The following TRPM3 variants were observed in gnomAD, a reference collection of about 807,000 sequenced individuals.
TRPM3 encodes the protein transient receptor potential cation channel subfamily M member 3, also known as long transient receptor potential channel 3.
A neutral mutation model predicts 181.2 loss-of-function variants in TRPM3; 77 were observed. The observed-to-expected ratio is 0.42, with a 90% confidence interval of 0.35 to 0.51. TRPM3 has a LOEUF of 0.51. TRPM3 is among the 20% of genes least tolerant of loss of function. The pLI is 0.01. For synonymous variants in TRPM3, 745 were observed against 796.4 expected (o/e 0.94, Z 1.09); for missense variants, 1,759 against 2,196.7 (o/e 0.80, Z 3.98).
chr9:71,240,102 G>A (rs2081578952), intron 1 of TRPM3, among the ~76,000 whole-genome samples: 3 of 152,104 alleles, frequency 2.0e-5, no homozygotes. Flanking sequence ...ATAGCTGAGA[G>A]GGATAATTTA....
At chr9:71,373,311 TAAAA>T (rs35902768) in intron 1 of TRPM3, among the ~76,000 whole-genome samples, 1 of 145,190 alleles carries the variant, frequency 6.9e-6, no homozygotes, top group Non-Finnish European at 1.5e-5. Flanking sequence ...GAAAAACCCT[TAAAA>T]AAAAAAAATC....
intron 1 of TRPM3, among the ~76,000 whole-genome samples, chr9:71,022,810 A>C (rs926401124): frequency 6.6e-6 from 1 of 152,196 alleles, no homozygotes; most frequent in Non-Finnish European, 1.5e-5. Context: ...CGTTCTGCAC[A>C]TGTATCCCAG....
chr9:70,701,420 A>G (rs2072520635), intron 8 of TRPM3, among the ~76,000 whole-genome samples: 1 of 152,094 alleles, frequency 6.6e-6, no homozygotes, highest in Admixed American at 6.5e-5. Context: ...CTGATTTCTA[A>G]TTGCATTGGG....
intron 1 of TRPM3, among the ~76,000 whole-genome samples, chr9:70,983,445 C>A (rs569925500): frequency 6.6e-6 from 1 of 152,148 alleles, no homozygotes; most frequent in East Asian, 1.9e-4. Flanking sequence ...TATTCAAGAT[C>A]AATTTTTCTC....
intron 1 of TRPM3, among the ~76,000 whole-genome samples, chr9:70,974,052 C>T (rs2097272753): frequency 6.6e-6 from 1 of 152,130 alleles, no homozygotes; most frequent in Non-Finnish European, 1.5e-5. Flanking sequence ...TATTAACTAC[C>T]TACTAACTAA....
At chr9:70,988,905 A>T (rs1009794783) in intron 1 of TRPM3, among the ~76,000 whole-genome samples, 1 of 152,160 alleles carries the variant, frequency 6.6e-6, no homozygotes, top group African/African-American at 2.4e-5. Flanking sequence ...TTTCCTTTCC[A>T]CACTACTTGG....
intron 7 of TRPM3, among the ~76,000 whole-genome samples, chr9:70,780,534 T>G (rs2082240988): frequency 1.3e-5 from 2 of 151,460 alleles, no homozygotes; most frequent in Non-Finnish European, 2.9e-5. Context: ...GGTGGGCCAT[T>G]TTTTTTTTCT....
At chr9:71,097,598 A>C (rs992496236) in intron 1 of TRPM3, among the ~76,000 whole-genome samples, 45 of 151,972 alleles carry the variant, frequency 3.0e-4, no homozygotes, top group African/African-American at 1.1e-3. Flanking sequence ...TCTAAAACCA[A>C]ATATATTCCA....
At chr9:70,917,299 T>A in intron 1 of TRPM3, 1 of 1,355,730 alleles carries the variant, frequency 7.4e-7, no homozygotes, top group Non-Finnish European at 1.1e-6. Flanking sequence ...GAAAGTGGTA[T>A]ATTATTAATG....
intron 1 of TRPM3, among the ~76,000 whole-genome samples, chr9:71,391,401 G>A (rs1399598538): frequency 2.0e-5 from 3 of 151,902 alleles, no homozygotes; most frequent in Admixed American, 1.3e-4. Context: ...TGAAAAAATC[G>A]CTGATAAAAT....
At chr9:70,629,232 T>C (rs2065324103) in intron 12 of TRPM3, among the ~76,000 whole-genome samples, 1 of 49,210 alleles carries the variant, frequency 2.0e-5, no homozygotes. Flanking sequence ...GGGGGGGGCC[T>C]GCGTTCTGTT....
At chr9:71,124,140 G>A (rs2073890741), upstream of TRPM3, among the ~76,000 whole-genome samples, 1 of 152,140 alleles carries the variant, frequency 6.6e-6, no homozygotes, top group South Asian at 2.1e-4. Context: ...AAGGATGACA[G>A]TGCATGAGAG....
intron 1 of TRPM3, among the ~76,000 whole-genome samples, chr9:71,356,722 G>A (rs1367488878): frequency 6.6e-6 from 1 of 152,176 alleles, no homozygotes; most frequent in East Asian, 1.9e-4. Context: ...TGATGTAGTA[G>A]CACAAAATTG....
chr9:71,127,897 G>C (rs928723665), intron 1 of TRPM3, among the ~76,000 whole-genome samples: 1 of 152,144 alleles, frequency 6.6e-6, no homozygotes, highest in Non-Finnish European at 1.5e-5. Context: ...TTGTCAAAGG[G>C]ATAATGTGAA....
intron 1 of TRPM3, among the ~76,000 whole-genome samples, chr9:71,273,517 G>A (rs966943456): frequency 3.3e-5 from 5 of 152,196 alleles, no homozygotes; most frequent in South Asian, 4.1e-4. Context: ...TTGATAAAGT[G>A]TAATTATGAC....
At chr9:71,221,153 TC>T (rs979269675) in intron 1 of TRPM3, among the ~76,000 whole-genome samples, 4 of 152,202 alleles carry the variant, frequency 2.6e-5, no homozygotes, top group African/African-American at 7.2e-5. Context: ...AGATTAGGTT[TC>T]TGTAAATTAT....
chr9:70,927,035 T>G (rs2096727755), intron 1 of TRPM3, among the ~76,000 whole-genome samples: 1 of 152,156 alleles, frequency 6.6e-6, no homozygotes, highest in African/African-American at 2.4e-5. Flanking sequence ...AACATGAAAA[T>G]TCATTCCAGA....
intron 1 of TRPM3, among the ~76,000 whole-genome samples, chr9:71,204,756 A>G (rs567328965): frequency 4.4e-4 from 66 of 151,088 alleles, no homozygotes; most frequent in South Asian, 6.3e-4. Flanking sequence ...ATAAAGACAC[A>G]TGCACACGTA....
At chr9:71,145,474 T>G (rs1287413152) in intron 1 of TRPM3, among the ~76,000 whole-genome samples, 3 of 152,182 alleles carry the variant, frequency 2.0e-5, no homozygotes, top group Non-Finnish European at 4.4e-5. Flanking sequence ...GGACTGCATT[T>G]ACTCAAGAGT....
Sources: allele counts gnomAD v4.1 joint callset (sites outside exome capture counted in the v4.1 genomes callset), GRCh38; gene constraint gnomAD v4.1.1; transcripts MANE v1.5; gene names NCBI Gene and HGNC (gene_info 2026-07-23, HGNC 2026-07-21).